Variants in SGCZ observed in about 807,000 individuals in gnomAD.
SGCZ encodes sarcoglycan zeta.
Under a neutral mutation model 41.3 loss-of-function variants are expected in SGCZ, and 40 were observed. The observed-to-expected ratio is 0.97, with a 90% CI of 0.75 to 1.26. The LOEUF is 1.26. SGCZ is among the 50% of genes most tolerant of loss of function. SGCZ has a pLI of 0.00. For missense variants in SGCZ, 552 were observed against 369.8 expected (o/e 1.49, Z -4.04); for synonymous variants, 206 against 137.5 (o/e 1.50, Z -3.49).
chr8:14,457,034 G>A (rs562965375), intron 2 of SGCZ, among the ~76,000 whole-genome samples: 3 of 152,292 alleles, frequency 2.0e-5, no homozygotes, highest in Admixed American at 1.3e-4. Flanking sequence ...CCCAGGCACC[G>A]AGGCAAGAGA....
chr8:14,634,640 G>A (rs568023095), intron 1 of SGCZ, among the ~76,000 whole-genome samples: 25 of 151,808 alleles, frequency 1.6e-4, no homozygotes, highest in Admixed American at 3.3e-4. Context: ...AAACCACTGA[G>A]GTCTCCAATT....
chr8:14,815,049 G>C (rs1036698120), intron 1 of SGCZ, among the ~76,000 whole-genome samples: 1 of 152,100 alleles, frequency 6.6e-6, no homozygotes, highest in African/African-American at 2.4e-5. Context: ...TCTCTGATAT[G>C]TGGTAATTCA....
chr8:14,919,119 G>A (rs73517353), intron 1 of SGCZ, among the ~76,000 whole-genome samples: 9,814 of 152,190 alleles, frequency 0.064, 372 homozygotes, highest in African/African-American at 0.076. Flanking sequence ...TATATCATAT[G>A]TTAGTCATAT....
chr8:14,505,236 G>A (rs951012288), intron 2 of SGCZ, among the ~76,000 whole-genome samples: 3 of 152,084 alleles, frequency 2.0e-5, no homozygotes, highest in Non-Finnish European at 2.9e-5. Flanking sequence ...GTTTATTGAA[G>A]TTGTCAAGTA....
chr8:15,152,534 G>A (rs1465535688), intron 1 of SGCZ, among the ~76,000 whole-genome samples: 1 of 152,156 alleles, frequency 6.6e-6, no homozygotes, highest in Non-Finnish European at 1.5e-5. Context: ...AACAGGTGGA[G>A]GCAACTTATT....
chr8:14,558,758 A>T (rs1804116162), intron 1 of SGCZ, among the ~76,000 whole-genome samples: 1 of 152,092 alleles, frequency 6.6e-6, no homozygotes, highest in African/African-American at 2.4e-5. Flanking sequence ...AGCTAACCAA[A>T]TCCAATAGTA....
chr8:14,588,021 GATA>G (rs907353898), intron 1 of SGCZ, among the ~76,000 whole-genome samples: 2 of 151,954 alleles, frequency 1.3e-5, no homozygotes, highest in Admixed American at 6.6e-5. Flanking sequence ...AAAGTTGAGC[GATA>G]ATATTAGAAA....
chr8:14,896,857 T>C (rs1805219520), intron 1 of SGCZ, among the ~76,000 whole-genome samples: 1 of 151,986 alleles, frequency 6.6e-6, no homozygotes, highest in African/African-American at 2.4e-5. Context: ...CTCGGCTCAC[T>C]GCAACCTCCG....
intron 1 of SGCZ, among the ~76,000 whole-genome samples, chr8:15,086,680 T>G (rs1465493992): frequency 2.0e-5 from 3 of 151,940 alleles, no homozygotes; most frequent in Non-Finnish European, 4.4e-5. Context: ...ATAATTCTGC[T>G]TTTTTTTAAA....
At chr8:14,309,074 G>A (rs763687624) in intron 3 of SGCZ, 53 of 1,426,434 alleles carry the variant, frequency 3.7e-5, no homozygotes, top group Non-Finnish European at 4.5e-5. Context: ...TACAGAAGAG[G>A]AGAAAACGGA....
At chr8:14,550,977 CTTCT>C (rs1446682278) in intron 2 of SGCZ, among the ~76,000 whole-genome samples, 1 of 151,968 alleles carries the variant, frequency 6.6e-6, no homozygotes, top group African/African-American at 2.4e-5. Flanking sequence ...TCACGCAAGA[CTTCT>C]TTCCCCAATT....
chr8:14,164,263 C>A (rs939272733), intron 5 of SGCZ, among the ~76,000 whole-genome samples: 4 of 152,090 alleles, frequency 2.6e-5, no homozygotes, highest in African/African-American at 7.2e-5. Flanking sequence ...ATAATACTCC[C>A]AAATTATTAT....
At chr8:14,544,467 G>A (rs1222220103) in intron 2 of SGCZ, among the ~76,000 whole-genome samples, 2 of 152,106 alleles carry the variant, frequency 1.3e-5, no homozygotes. Context: ...TTCTTGCAGA[G>A]AGCCTATAAA....
rs922770433 is a variant in SGCZ at position 14,129,300 on chromosome 8, C to T, written c.548-21065G>A. The stretch of plus-strand genomic sequence containing the variant: ...GGCAGAGGTTACAATTAGCCAAGAT[C>T]GTGCCATTGCACTCCAGCCTGGGTG... On this transcript the variant is annotated intron_variant, in intron 5 of 7. Coordinates refer to ENST00000382080, the MANE Select transcript of SGCZ (RefSeq NM_139167.4). Among the ~76,000 whole-genome samples, 8 of 127,886 alleles carry T rather than the reference C, an allele frequency of 6.3e-5. No homozygotes were observed. The East Asian group carries it at 1.5e-3, about 24-fold the overall frequency. 83.9% of individuals were successfully genotyped at this position (127,886 alleles called of 152,430 possible). A position where few individuals can be genotyped will look rare whatever the true frequency, so the allele number is the denominator to read the frequency against.
intron 2 of SGCZ, among the ~76,000 whole-genome samples, chr8:14,440,690 CGT>C (rs1454991480): frequency 6.8e-4 from 36 of 53,314 alleles, no homozygotes; most frequent in East Asian, 1.0e-3. Context: ...TACGTATACA[CGT>C]ATATGTATAT....
At chr8:15,237,251 T>TGC (rs200641306) in intron 1 of SGCZ, among the ~76,000 whole-genome samples, 1,324 of 104,578 alleles carry the variant, frequency 0.013, 23 homozygotes, top group African/African-American at 0.04. Context: ...CTGGTGCCGC[T>TGC]GCCCCCCCCG....
intron 1 of SGCZ, among the ~76,000 whole-genome samples, chr8:14,696,100 G>T (rs574313017): frequency 3.7e-4 from 56 of 152,048 alleles, no homozygotes; most frequent in African/African-American, 1.3e-3. Flanking sequence ...TATTTCGGTT[G>T]CTTTTTTTCA....
intron 2 of SGCZ, among the ~76,000 whole-genome samples, chr8:14,528,851 A>G (rs1803038484): frequency 6.6e-6 from 1 of 151,418 alleles, no homozygotes; most frequent in Non-Finnish European, 1.5e-5. Flanking sequence ...AACAAAAACA[A>G]AAAAAGAGAA....
At chr8:14,491,595 A>G in intron 2 of SGCZ, among the ~76,000 whole-genome samples, 1 of 152,210 alleles carries the variant, frequency 6.6e-6, no homozygotes, top group Admixed American at 6.5e-5. Context: ...AGGAAAGCTG[A>G]TATCAATATG....
Sources: allele counts gnomAD v4.1 joint callset (sites outside exome capture counted in the v4.1 genomes callset), GRCh38; gene constraint gnomAD v4.1.1; transcripts MANE v1.5; gene names NCBI Gene and HGNC (gene_info 2026-07-23, HGNC 2026-07-21).